Variants in DAGLB observed in about 807,000 individuals in gnomAD.
The protein encoded by DAGLB is diacylglycerol lipase-beta.
In DAGLB, 66 loss-of-function variants were observed where a neutral mutation model predicts 72.1. The ratio of observed to expected loss-of-function variants is 0.92; its 90% CI spans 0.75 to 1.12. The LOEUF (loss-of-function observed/expected upper bound fraction) is 1.12. Among genes scored for constraint, DAGLB ranks in the 50% most tolerant of loss-of-function variants. The pLI is 0.00. For missense variants in DAGLB, 1,065 were observed against 884.9 expected (o/e 1.20, Z -2.58); for synonymous variants, 414 against 359.5 (o/e 1.15, Z -1.71).
At chr7:6,430,143 T>C (rs1159642890) in intron 6 of DAGLB, among the ~76,000 whole-genome samples, 3 of 150,830 alleles carry the variant, frequency 2.0e-5, no homozygotes, top group Non-Finnish European at 3.0e-5. Context: ...AGACGGAGGT[T>C]GTGGTGAGCT....
chr7:6,415,822 G>A (rs1783891263), intron 11 of DAGLB, among the ~76,000 whole-genome samples: 1 of 150,952 alleles, frequency 6.6e-6, no homozygotes, highest in African/African-American at 2.4e-5. Context: ...TCCAGCCTGG[G>A]CGACAGAGCA....
rs532426987 is a variant in DAGLB at position 6,410,466 on chromosome 7, A to C, written c.1570-86T>G. 2.9e-3 allele frequency: 4,369 copies of C among 1,513,448 alleles called. 17 individuals are homozygous for C. The highest frequency in any genetic ancestry group is 3.9e-3 in the Admixed American group (182 of 47,212). The allele number at this position is 1,513,448 out of a possible 1,614,324, so 93.8% of individuals were successfully genotyped here. A position where few individuals can be genotyped will look rare whatever the true frequency, so the allele number is the denominator to read the frequency against. On this transcript the variant is annotated intron_variant, in intron 13 of 14. Transcript: ENST00000297056. The stretch of plus-strand genomic sequence containing the variant: ...CGAAACACCAAGGCGGACCAGGCAC[A>C]GGAATCTGCCCTTTGACCCAGAAAC...
intron 4 of DAGLB, among the ~76,000 whole-genome samples, chr7:6,433,546 T>C (rs1279861975): frequency 1.3e-5 from 2 of 152,132 alleles, no homozygotes; most frequent in Admixed American, 1.3e-4. Context: ...CCCGTAAGAA[T>C]GGACAATATA....
At chr7:6,418,734 G>A (rs917820263) in intron 9 of DAGLB, among the ~76,000 whole-genome samples, 2 of 151,420 alleles carry the variant, frequency 1.3e-5, no homozygotes, top group African/African-American at 4.9e-5. Context: ...GCTCGATCTC[G>A]GCTCACTGCA....
intron 2 of DAGLB, among the ~76,000 whole-genome samples, chr7:6,445,537 T>C (rs1784971326): frequency 6.6e-6 from 1 of 151,954 alleles, no homozygotes; most frequent in Non-Finnish European, 1.5e-5. Context: ...TGTGACAGAG[T>C]CTCCACTCTG....
chr7:6,414,219 C>T (rs1783829316), intron 11 of DAGLB, among the ~76,000 whole-genome samples: 1 of 151,924 alleles, frequency 6.6e-6, no homozygotes, highest in Admixed American at 6.6e-5. Flanking sequence ...ACCGTGTTAG[C>T]CAGGATGGTC....
At chr7:6,437,564 T>C (rs1466084692) in intron 2 of DAGLB, among the ~76,000 whole-genome samples, 1 of 152,174 alleles carries the variant, frequency 6.6e-6, no homozygotes, top group Admixed American at 6.6e-5. Flanking sequence ...CTCTGGTAGC[T>C]AGGACTACAG....
intron 6 of DAGLB, among the ~76,000 whole-genome samples, chr7:6,426,971 G>T (rs1005481347): frequency 2.6e-4 from 39 of 152,242 alleles, no homozygotes; most frequent in Admixed American, 1.0e-3. Flanking sequence ...AGCCAGGTGT[G>T]GTGGCAGGCG....
intron 7 of DAGLB, among the ~76,000 whole-genome samples, chr7:6,425,370 C>G (rs1019322842): frequency 1.3e-5 from 2 of 152,168 alleles, no homozygotes; most frequent in Non-Finnish European, 1.5e-5. Context: ...CTCCCGGATT[C>G]AAGTGATTCT....
At position 6,432,723 on chromosome 7, in the gene DAGLB, G is replaced by GA. The variant is rs1225072051; in HGVS notation, c.801+113dup. On this transcript the variant is annotated intron_variant, in intron 5 of 14. Coordinates refer to ENST00000297056, the MANE Select transcript of DAGLB (RefSeq NM_139179.4). ...GGGAGGAGGGGGAGGGGAGGGAGGG[G>GA]AAAGGGGAATGAAGGAAGGGAGGAA... is the stretch of plus-strand genomic sequence containing the variant. 1.5e-5 allele frequency: 19 copies of GA among 1,279,536 alleles called. No individual in the cohort carries two copies. In the African/African-American group the frequency reaches 2.4e-4, roughly 16 times the overall value. 79.3% of individuals were successfully genotyped at this position (1,279,536 alleles called of 1,614,324 possible).
chr7:6,439,430 T>C (rs1391683985), intron 2 of DAGLB, among the ~76,000 whole-genome samples: 5 of 152,266 alleles, frequency 3.3e-5, no homozygotes, highest in Admixed American at 3.3e-4. Flanking sequence ...CTGTCTTGGT[T>C]AAGTAACCCT....
At chr7:6,415,565 G>A (rs902845313) in intron 11 of DAGLB, among the ~76,000 whole-genome samples, 8 of 150,826 alleles carry the variant, frequency 5.3e-5, no homozygotes, top group African/African-American at 1.7e-4. Context: ...TCAGCCAGGC[G>A]TGGTGGCTCA....
rs745869142 is a variant in DAGLB, at chr7:6,416,707, G to A, written c.1347C>T (p.Ala449=). The change falls in exon 11 of 15, where the codon GCC becomes GCT. Residue 449 remains alanine (A), a synonymous_variant. Coordinates refer to ENST00000297056, the MANE Select transcript of DAGLB (RefSeq NM_139179.4). Reference sequence around the variant, plus strand: ...CTCTGAGCATGGTGGCCAGCAGGGCGGCCGCCCCGCCCCCGAGGCTGTGGC... The same window carrying A: ...CTCTGAGCATGGTGGCCAGCAGGGCAGCCGCCCCGCCCCCGAGGCTGTGGC... ...IVGHSLGGGA[A]ALLATMLRAA... is the part of the protein sequence containing the mutation. The A allele has an allele frequency of 9.9e-6, 16 of 1,613,620 alleles. No homozygotes were observed. Among genetic ancestry groups the A allele is most frequent in the Non-Finnish European group, 1.2e-5 (14 of 1,179,782 alleles).
intron 9 of DAGLB, among the ~76,000 whole-genome samples, chr7:6,419,013 AC>A (rs1306528197): frequency 6.7e-6 from 1 of 149,938 alleles, no homozygotes; most frequent in Non-Finnish European, 1.5e-5. Context: ...AGAATGCTGA[AC>A]CCAGCCATCA....
intron 11 of DAGLB, among the ~76,000 whole-genome samples, chr7:6,413,248 C>G (rs1448307074): frequency 1.3e-5 from 2 of 152,174 alleles, no homozygotes; most frequent in African/African-American, 2.4e-5. Flanking sequence ...AGACGCCCCG[C>G]AGCTAAAACC....
intron 6 of DAGLB, among the ~76,000 whole-genome samples, chr7:6,428,835 T>C (rs1784393239): frequency 1.3e-5 from 2 of 152,098 alleles, no homozygotes; most frequent in Admixed American, 6.6e-5. Flanking sequence ...GACAGCGTCT[T>C]GCTCTGTCAC....
intron 14 of DAGLB, 36 bp downstream of exon 14, chr7:6,410,094 C>G: frequency 6.3e-7 from 1 of 1,580,816 alleles, no homozygotes; most frequent in Non-Finnish European, 8.6e-7. Context: ...CCGCGCTGCT[C>G]CTGCCTGCCC....
At chr7:6,418,258 C>T (rs1783982230) in intron 9 of DAGLB, among the ~76,000 whole-genome samples, 2 of 151,564 alleles carry the variant, frequency 1.3e-5, no homozygotes, top group African/African-American at 2.4e-5. Context: ...AATTCCAACA[C>T]TTTGGGAGGC....
chr7:6,416,492 G>A (rs1404334083), intron 11 of DAGLB, 135 bp downstream of exon 11: 14 of 1,337,986 alleles, frequency 1.0e-5, no homozygotes, highest in African/African-American at 7.3e-5. Context: ...GCAGTGAGCC[G>A]AGATCACGCC....
Sources: allele counts gnomAD v4.1 joint callset (sites outside exome capture counted in the v4.1 genomes callset), GRCh38; gene constraint gnomAD v4.1.1; transcripts MANE v1.5; gene names NCBI Gene and HGNC (gene_info 2026-07-23, HGNC 2026-07-21).